The following DAPK1 variants were observed in gnomAD, a reference collection of about 807,000 sequenced individuals.
DAPK1 encodes the protein death-associated protein kinase 1.
A neutral mutation model predicts 144.9 loss-of-function variants in DAPK1; 56 were observed. The observed-to-expected ratio is 0.39, with a 90% CI of 0.31 to 0.48. The LOEUF is 0.48. Among genes scored for constraint, DAPK1 ranks in the 20% least tolerant of loss-of-function variants. DAPK1 has a pLI of 0.95. For synonymous variants in DAPK1, 690 were observed against 749.0 expected (o/e 0.92, Z 1.29); for missense variants, 1,454 against 1,875.4 (o/e 0.78, Z 4.15).
At chr9:87,645,023 G>A (rs1411413879) in intron 11 of DAPK1, among the ~76,000 whole-genome samples, 1 of 152,142 alleles carries the variant, frequency 6.6e-6, no homozygotes, top group African/African-American at 2.4e-5. Flanking sequence ...CAGATCTATA[G>A]AGAAGAGAAA....
intron 2 of DAPK1, among the ~76,000 whole-genome samples, chr9:87,510,378 C>A (rs1824790222): frequency 6.6e-6 from 1 of 152,156 alleles, no homozygotes; most frequent in Admixed American, 6.5e-5. Context: ...GCAGATAATG[C>A]TTATCTGCAT....
At chr9:87,500,558 A>C (rs1254932313) in intron 2 of DAPK1, among the ~76,000 whole-genome samples, 1 of 152,172 alleles carries the variant, frequency 6.6e-6, no homozygotes, top group East Asian at 1.9e-4. Context: ...TGTTAGAAAG[A>C]GAGATGACTA....
chr9:87,609,329 G>A (rs1828842504), intron 3 of DAPK1, among the ~76,000 whole-genome samples: 2 of 152,194 alleles, frequency 1.3e-5, no homozygotes, highest in South Asian at 2.1e-4. Flanking sequence ...TGCATATGAT[G>A]CGTAGGATGC....
rs538212848 is a variant in DAPK1 at position 87,631,880 on chromosome 9, G to T, written c.285-6063G>T. 2.5e-3 allele frequency among the ~76,000 whole-genome samples: 387 copies of T among 152,228 alleles called. 2 individuals are homozygous for T. Among genetic ancestry groups the T allele is most frequent in the African/African-American group, 8.9e-3 (368 of 41,534 alleles). On this transcript the variant is annotated intron_variant, in intron 3 of 25. Transcript: ENST00000408954. ...CCCAAACATTTGCTGAAATCATTTA[G>T]TTTCAATTATTTTAATTACTGAAGA...
intron 2 of DAPK1, among the ~76,000 whole-genome samples, chr9:87,559,759 A>G (rs977654161): frequency 6.6e-6 from 1 of 152,158 alleles, no homozygotes; most frequent in African/African-American, 2.4e-5. Context: ...GAGCAGGCGA[A>G]TGTCTACAAT....
At chr9:87,502,418 A>G (rs1824436784) in intron 2 of DAPK1, among the ~76,000 whole-genome samples, 1 of 152,180 alleles carries the variant, frequency 6.6e-6, no homozygotes, top group Admixed American at 6.5e-5. Context: ...AGGAGTTCTT[A>G]TAAATCTGCT....
At chr9:87,703,808 G>A (rs1289991220) in intron 25 of DAPK1, among the ~76,000 whole-genome samples, 1 of 152,184 alleles carries the variant, frequency 6.6e-6, no homozygotes, top group Non-Finnish European at 1.5e-5. Flanking sequence ...GTGACATTGA[G>A]CACCAGGGCG....
chr9:87,576,772 GGT>G (rs370790299), intron 2 of DAPK1, among the ~76,000 whole-genome samples: 35 of 152,254 alleles, frequency 2.3e-4, no homozygotes, highest in African/African-American at 8.2e-4. Flanking sequence ...TGGCCAGGCT[GGT>G]ACCAAATTCC....
At chr9:87,615,875 G>T (rs534109529) in intron 3 of DAPK1, among the ~76,000 whole-genome samples, 39 of 152,368 alleles carry the variant, frequency 2.6e-4, no homozygotes, top group African/African-American at 8.2e-4. Context: ...TAGCCTCTTG[G>T]AGAGAGAATT....
chr9:87,618,403 A>G (rs970296913), intron 3 of DAPK1, among the ~76,000 whole-genome samples: 6 of 152,244 alleles, frequency 3.9e-5, no homozygotes, highest in Admixed American at 3.3e-4. Flanking sequence ...CGTAGTTTTC[A>G]TAGGACTCAG....
chr9:87,629,468 AGTGTG>A (rs1425238344), intron 3 of DAPK1, among the ~76,000 whole-genome samples: 1 of 152,226 alleles, frequency 6.6e-6, no homozygotes, highest in Non-Finnish European at 1.5e-5. Flanking sequence ...CTACTTTGTT[AGTGTG>A]GCTCCGGCAA....
chr9:87,701,888 A>C (rs1380550089), intron 24 of DAPK1: 3 of 470,462 alleles, frequency 6.4e-6, no homozygotes, highest in South Asian at 1.6e-5. Context: ...CTGTGGCATC[A>C]TCAGAAGATA....
At chr9:87,648,916 A>G (rs953489247) in intron 15 of DAPK1, 37 bp downstream of exon 15, 34 of 1,535,742 alleles carry the variant, frequency 2.2e-5, no homozygotes, top group Non-Finnish European at 2.8e-5. Flanking sequence ...CCTCTGCTCT[A>G]TACATGAATG....
intron 2 of DAPK1, among the ~76,000 whole-genome samples, chr9:87,532,560 A>C (rs1825733347): frequency 6.6e-6 from 1 of 152,180 alleles, no homozygotes; most frequent in Non-Finnish European, 1.5e-5. Context: ...AAATGTATTC[A>C]TTTCATGTAT....
chr9:87,509,966 T>C (rs1257393347), intron 2 of DAPK1, among the ~76,000 whole-genome samples: 4 of 152,202 alleles, frequency 2.6e-5, no homozygotes, highest in Admixed American at 6.5e-5. Flanking sequence ...TCTGACTAAG[T>C]CACTATAGAT....
At chr9:87,579,314 A>G (rs1367389059) in intron 2 of DAPK1, among the ~76,000 whole-genome samples, 1 of 152,196 alleles carries the variant, frequency 6.6e-6, no homozygotes, top group Non-Finnish European at 1.5e-5. Context: ...GACTTGTTGC[A>G]TACTTTCCTT....
chr9:87,632,047 G>A (rs1423789735), intron 3 of DAPK1: 2 of 780,670 alleles, frequency 2.6e-6, no homozygotes, highest in South Asian at 1.2e-4. Flanking sequence ...GATGAAGGAG[G>A]ATGAGTATAT....
rs141927199 is a variant in DAPK1 at position 87,688,761 on chromosome 9, G to T, written c.2413+2022G>T. Among the ~76,000 whole-genome samples the T allele has an allele frequency of 4.0e-3, 606 of 152,072 alleles. 2 individuals are homozygous for T. Among genetic ancestry groups the T allele is most frequent in the Middle Eastern group, 6.8e-3 (2 of 294 alleles). On this transcript the variant is annotated intron_variant, in intron 21 of 25. Coordinates refer to ENST00000408954, the MANE Select transcript of DAPK1 (RefSeq NM_004938.4). ...TGAGAAGTGTCTGTTCGTGTCCTTT[G>T]CCCACTTTTTAATGGGGTTATTTGG...
intron 9 of DAPK1, 71 bp from the exon 10 acceptor site, chr9:87,641,898 C>G (rs1008013251): frequency 1.6e-6 from 2 of 1,279,608 alleles, no homozygotes; most frequent in Admixed American, 1.9e-5. Flanking sequence ...GGAGATGTTT[C>G]AAAAAATTGT....
Sources: gnomAD v4.1 joint callset for allele counts (sites outside exome capture counted in the v4.1 genomes callset) on GRCh38, gnomAD v4.1.1 for gene constraint, MANE v1.5 for transcripts, NCBI Gene and HGNC (gene_info 2026-07-23, HGNC 2026-07-21) for gene names.